The following SPAG16 variants were observed in gnomAD, a reference collection of about 807,000 sequenced individuals.
The protein encoded by SPAG16 is sperm associated antigen 16.
A neutral mutation model predicts 80.4 loss-of-function variants in SPAG16; 86 were observed. The ratio of observed to expected loss-of-function variants is 1.07; its 90% CI spans 0.90 to 1.28. SPAG16 has a LOEUF of 1.28. SPAG16 is among the 50% of genes most tolerant of loss of function. SPAG16 has a pLI of 0.00. For synonymous variants in SPAG16, 294 were observed against 265.9 expected, an observed-to-expected ratio of 1.11 and a Z score of -1.03; for missense variants, 870 against 765.3, an observed-to-expected ratio of 1.14 and a Z score of -1.61.
At chr2:213,322,348 A>C (rs1018160869) in intron 5 of SPAG16, among the ~76,000 whole-genome samples, 22 of 109,874 alleles carry the variant, frequency 2.0e-4, no homozygotes, top group South Asian at 5.0e-4. Flanking sequence ...AAAAAAAAAA[A>C]AAAAAAAACA....
At chr2:213,884,654 T>A (rs2076485067) in intron 11 of SPAG16, among the ~76,000 whole-genome samples, 1 of 152,210 alleles carries the variant, frequency 6.6e-6, no homozygotes, top group Non-Finnish European at 1.5e-5. Flanking sequence ...CTCTGTCTCA[T>A]TATATAAACC....
intron 15 of SPAG16, among the ~76,000 whole-genome samples, chr2:214,265,720 TTA>T (rs1315709966): frequency 6.6e-6 from 1 of 151,964 alleles, no homozygotes; most frequent in African/African-American, 2.4e-5. Context: ...TCTAGAAGTT[TTA>T]TAGTTTTGCC....
intron 12 of SPAG16, among the ~76,000 whole-genome samples, chr2:213,978,662 G>A (rs760616958): frequency 6.6e-6 from 1 of 152,084 alleles, no homozygotes; most frequent in African/African-American, 2.4e-5. Context: ...TGGGTACTAG[G>A]AATCTTTGAG....
intron 15 of SPAG16, among the ~76,000 whole-genome samples, chr2:214,212,002 T>C (rs2125750601): frequency 6.6e-6 from 1 of 152,272 alleles, no homozygotes; most frequent in South Asian, 2.1e-4. Flanking sequence ...TCCACTTCAT[T>C]CTTATCTTGC....
At chr2:213,582,095 A>T (rs549883258) in intron 10 of SPAG16, among the ~76,000 whole-genome samples, 1 of 152,102 alleles carries the variant, frequency 6.6e-6, no homozygotes, top group African/African-American at 2.4e-5. Flanking sequence ...TTATATTATT[A>T]TATTTAATTT....
intron 5 of SPAG16, among the ~76,000 whole-genome samples, chr2:213,333,130 A>C (rs548004454): frequency 9.9e-5 from 15 of 152,258 alleles, no homozygotes; most frequent in African/African-American, 3.4e-4. Flanking sequence ...ATCCACCAAA[A>C]AAATGATGAG....
intron 13 of SPAG16, among the ~76,000 whole-genome samples, chr2:214,024,419 A>C (rs1180253889): frequency 6.6e-6 from 1 of 151,818 alleles, no homozygotes; most frequent in East Asian, 1.9e-4. Context: ...TAGATGATTT[A>C]ATTCCTTTTG....
At chr2:214,400,384 C>A (rs1042088301) in intron 15 of SPAG16, among the ~76,000 whole-genome samples, 6 of 149,814 alleles carry the variant, frequency 4.0e-5, no homozygotes, top group African/African-American at 7.4e-5. Context: ...TGAAAATATT[C>A]AAAAAAAAGT....
chr2:213,760,510 G>GA (rs55859105), intron 10 of SPAG16, among the ~76,000 whole-genome samples: 3 of 146,890 alleles, frequency 2.0e-5, no homozygotes, highest in African/African-American at 7.7e-5. Context: ...ATAATGGCTA[G>GA]AAAAAAAAAA....
chr2:213,926,500 A>AT (rs915720508), intron 11 of SPAG16, among the ~76,000 whole-genome samples: 3 of 150,986 alleles, frequency 2.0e-5, no homozygotes, highest in African/African-American at 7.3e-5. Flanking sequence ...CATGTTTTTC[A>AT]TTTTTTTTCC....
At chr2:213,333,112 C>G (rs1055964432) in intron 5 of SPAG16, among the ~76,000 whole-genome samples, 2 of 151,924 alleles carry the variant, frequency 1.3e-5, no homozygotes, top group African/African-American at 4.8e-5. Context: ...TTTGGAAAAA[C>G]CTAAAGTATC....
chr2:214,080,460 T>G (rs1229428328), intron 13 of SPAG16, among the ~76,000 whole-genome samples: 1 of 143,868 alleles, frequency 7.0e-6, no homozygotes, highest in Non-Finnish European at 1.5e-5. Context: ...AAAAAAAAAT[T>G]AGCCGGGCGT....
At chr2:213,708,256 T>C (rs2065840891) in intron 10 of SPAG16, among the ~76,000 whole-genome samples, 2 of 152,148 alleles carry the variant, frequency 1.3e-5, no homozygotes, top group Admixed American at 1.3e-4. Flanking sequence ...TCCCATTAGG[T>C]ATGTCATTTT....
At chr2:213,951,894 A>C (rs2079801126) in intron 12 of SPAG16, among the ~76,000 whole-genome samples, 1 of 152,286 alleles carries the variant, frequency 6.6e-6, no homozygotes, top group African/African-American at 2.4e-5. Flanking sequence ...AAGACACACA[A>C]CTATATTGGT....
chr2:214,134,196 C>G (rs998344621), intron 14 of SPAG16, among the ~76,000 whole-genome samples: 2 of 152,126 alleles, frequency 1.3e-5, no homozygotes, highest in Non-Finnish European at 2.9e-5. Context: ...TTCCTGATTT[C>G]ATATATGAAA....
At chr2:213,839,354 T>A (rs948430886) in intron 10 of SPAG16, among the ~76,000 whole-genome samples, 2 of 152,206 alleles carry the variant, frequency 1.3e-5, no homozygotes, top group Non-Finnish European at 2.9e-5. Flanking sequence ...TAAAAATGTA[T>A]TTTTTCCTCT....
At position 214,345,307 on chromosome 2, in the gene SPAG16, G is replaced by A. The variant is rs547675733; in HGVS notation, c.1721-64833G>A. Among the ~76,000 whole-genome samples the A allele has an allele frequency of 1.4e-4, 21 of 152,228 alleles. No individual in the cohort carries two copies. The East Asian group carries it at 3.9e-3, about 28-fold the overall frequency. On this transcript the variant is annotated intron_variant, in intron 15 of 15. Coordinates refer to ENST00000331683, the MANE Select transcript of SPAG16 (RefSeq NM_024532.5). The stretch of plus-strand genomic sequence containing the variant: ...AATATCTGCTGTTGGTCCCTGGCCT[G>A]ATCACAGACACAGACCCCATGAATA...
chr2:213,380,727 C>T (rs190726511), intron 9 of SPAG16, among the ~76,000 whole-genome samples: 1 of 152,278 alleles, frequency 6.6e-6, no homozygotes, highest in Non-Finnish European at 1.5e-5. Context: ...CAGGGCCTTG[C>T]TCCATAATCC....
chr2:214,213,436 A>G (rs2058348905), intron 15 of SPAG16, among the ~76,000 whole-genome samples: 1 of 152,178 alleles, frequency 6.6e-6, no homozygotes, highest in African/African-American at 2.4e-5. Flanking sequence ...ACAGGCAGGG[A>G]GCTGTGTCAA....
Sources: gnomAD v4.1 joint callset for allele counts (sites outside exome capture counted in the v4.1 genomes callset) on GRCh38, gnomAD v4.1.1 for gene constraint, MANE v1.5 for transcripts, NCBI Gene and HGNC (gene_info 2026-07-23, HGNC 2026-07-21) for gene names.